CRPPA: variants seen among roughly 807,000 people sequenced by gnomAD.
CRPPA encodes the protein D-ribitol-5-phosphate cytidylyltransferase.
In CRPPA, 43 loss-of-function variants were observed where a neutral mutation model predicts 52.0. The ratio of observed to expected loss-of-function variants is 0.83; its 90% CI spans 0.65 to 1.07. CRPPA has a LOEUF of 1.07. Among genes scored for constraint, CRPPA ranks in the 50% least tolerant of loss-of-function variants. The probability of loss-of-function intolerance (pLI) is 0.00; values close to 1 mark genes in which losing one functional copy is unlikely to be tolerated. For missense variants in CRPPA, 629 were observed against 551.7 expected (o/e 1.14, Z -1.40); for synonymous variants, 250 against 203.5 (o/e 1.23, Z -1.94).
chr7:16,181,184 T>G (rs929815653), intron 9 of CRPPA, among the ~76,000 whole-genome samples: 2 of 151,956 alleles, frequency 1.3e-5, no homozygotes, highest in African/African-American at 4.8e-5. Flanking sequence ...TACGATTAAA[T>G]AATTTTTATT....
chr7:16,148,154 T>C (rs902739066), intron 9 of CRPPA, among the ~76,000 whole-genome samples: 3 of 152,174 alleles, frequency 2.0e-5, no homozygotes, highest in Admixed American at 6.5e-5. Context: ...AACAAACATG[T>C]ATACATACTA....
chr7:16,182,143 C>T lies in CRPPA; in HGVS notation c.1251+33923G>A, dbSNP rs942920872. ...TATCTCTTTGCATCTGGCTGAAATA[C>T]GTTGTTTAACATTGTTCTATAACTA... is the stretch of plus-strand genomic sequence containing the variant. On this transcript the variant is annotated intron_variant, in intron 9 of 9. Transcript: ENST00000407010. Among the ~76,000 whole-genome samples, 8 of 151,922 alleles carry T rather than the reference C, an allele frequency of 5.3e-5. No individual in the cohort carries two copies. In the South Asian group the frequency reaches 6.2e-4, roughly 12 times the overall value.
At chr7:16,259,585 T>A (rs553705728) in intron 6 of CRPPA, among the ~76,000 whole-genome samples, 1 of 152,106 alleles carries the variant, frequency 6.6e-6, no homozygotes, top group African/African-American at 2.4e-5. Flanking sequence ...GAAGAACACA[T>A]ATTATGCAAA....
intron 3 of CRPPA, among the ~76,000 whole-genome samples, chr7:16,350,748 T>G (rs1380759706): frequency 6.6e-6 from 1 of 152,130 alleles, no homozygotes; most frequent in East Asian, 1.9e-4. Context: ...CACTAGTAAG[T>G]CCTTACCTAT....
intron 3 of CRPPA, among the ~76,000 whole-genome samples, chr7:16,327,336 T>A (rs992868517): frequency 1.3e-5 from 2 of 152,042 alleles, no homozygotes; most frequent in African/African-American, 4.8e-5. Flanking sequence ...CTCACGCCTG[T>A]AATCCCAGCA....
chr7:16,346,827 T>G (rs532589337), intron 3 of CRPPA, among the ~76,000 whole-genome samples: 2 of 152,026 alleles, frequency 1.3e-5, no homozygotes, highest in African/African-American at 4.8e-5. Flanking sequence ...TCCACTACTA[T>G]AAAAACCTCA....
At chr7:16,313,665 A>G (rs1016120641) in intron 3 of CRPPA, among the ~76,000 whole-genome samples, 1 of 151,970 alleles carries the variant, frequency 6.6e-6, no homozygotes, top group Non-Finnish European at 1.5e-5. Context: ...ATTCAATGCT[A>G]TCGTTTTTCC....
chr7:16,361,997 G>A (rs991177568), intron 3 of CRPPA, among the ~76,000 whole-genome samples: 10 of 150,900 alleles, frequency 6.6e-5, no homozygotes, highest in African/African-American at 2.4e-4. Flanking sequence ...TGGGACTACA[G>A]GCACCTGCCA....
intron 1 of CRPPA, among the ~76,000 whole-genome samples, chr7:16,420,375 A>G (rs963655864): frequency 6.6e-6 from 1 of 152,152 alleles, no homozygotes; most frequent in Non-Finnish European, 1.5e-5. Flanking sequence ...GTAAGTTAAT[A>G]TTATAACATA....
intron 8 of CRPPA, among the ~76,000 whole-genome samples, chr7:16,233,950 A>G (rs902608915): frequency 6.6e-6 from 1 of 152,218 alleles, no homozygotes; most frequent in African/African-American, 2.4e-5. Context: ...AAAATGATCA[A>G]CTGCAAGAAA....
chr7:16,174,552 G>A (rs75900969), intron 9 of CRPPA, among the ~76,000 whole-genome samples: 15,464 of 152,016 alleles, frequency 0.1, 907 homozygotes, highest in East Asian at 0.17. Context: ...ATTAATAGTC[G>A]CTGGTCTTTT....
rs1327839992 is a variant in CRPPA, at chr7:16,221,761, A to G, written c.1120-5564T>C. Among the ~76,000 whole-genome samples, 7 of 151,850 alleles carry G rather than the reference A, an allele frequency of 4.6e-5. No individual in the cohort carries two copies. The East Asian group carries it at 1.4e-3, about 29-fold the overall frequency. ...CCACAATGAGATACCATCTCACACC[A>G]GTTAGAATGGCGATCATTAAAAAGT... On this transcript the variant is annotated intron_variant, in intron 8 of 9. Transcript: ENST00000407010.
rs1420232108 is a variant in CRPPA, at chr7:16,149,083, G to C, written c.1252-57284C>G. On this transcript the variant is annotated intron_variant, in intron 9 of 9. Coordinates refer to ENST00000407010, the MANE Select transcript of CRPPA (RefSeq NM_001101426.4). ...AACAATAAAATATTCATGAATCCTA[G>C]CCAATAAACATATTTAGAGTATGAT... Among the ~76,000 whole-genome samples, 3 of 151,998 alleles carry C rather than the reference G, an allele frequency of 2.0e-5. No individual in the cohort carries two copies. The East Asian group carries it at 5.8e-4, about 29-fold the overall frequency.
At chr7:16,396,314 A>C (rs10254133) in intron 2 of CRPPA, among the ~76,000 whole-genome samples, 1 of 152,192 alleles carries the variant, frequency 6.6e-6, no homozygotes, top group Admixed American at 6.5e-5. Flanking sequence ...CCAAATACAG[A>C]GTTCAAAAAT....
chr7:16,181,441 G>A (rs1781410497), intron 9 of CRPPA, among the ~76,000 whole-genome samples: 1 of 151,884 alleles, frequency 6.6e-6, no homozygotes, highest in South Asian at 2.1e-4. Flanking sequence ...TTTTCATGAT[G>A]TTAAACAGGT....
intron 2 of CRPPA, among the ~76,000 whole-genome samples, chr7:16,401,267 C>T (rs1787811041): frequency 6.6e-6 from 1 of 152,172 alleles, no homozygotes; most frequent in African/African-American, 2.4e-5. Flanking sequence ...GATTTAGAGT[C>T]TTCCTCCCAG....
intron 5 of CRPPA, among the ~76,000 whole-genome samples, chr7:16,287,141 A>T (rs1784468115): frequency 6.6e-6 from 1 of 152,172 alleles, no homozygotes; most frequent in Non-Finnish European, 1.5e-5. Context: ...TCCCCATTTT[A>T]TAGATCAATA....
intron 5 of CRPPA, among the ~76,000 whole-genome samples, chr7:16,297,721 C>T (rs534793918): frequency 1.2e-4 from 19 of 152,298 alleles, no homozygotes; most frequent in African/African-American, 3.4e-4. Flanking sequence ...AGCTCTATAG[C>T]CTTTATTACT....
chr7:16,156,592 G>T (rs1357399536), intron 9 of CRPPA, among the ~76,000 whole-genome samples: 1 of 152,056 alleles, frequency 6.6e-6, no homozygotes, highest in Non-Finnish European at 1.5e-5. Flanking sequence ...AAAACTAAAA[G>T]ACAAGGCACA....
Sources: gnomAD v4.1 joint callset for allele counts (sites outside exome capture counted in the v4.1 genomes callset) on GRCh38, gnomAD v4.1.1 for gene constraint, MANE v1.5 for transcripts, NCBI Gene and HGNC (gene_info 2026-07-23, HGNC 2026-07-21) for gene names.